PPARG: variants seen among roughly 807,000 people sequenced by gnomAD.
The protein encoded by PPARG is peroxisome proliferator-activated receptor gamma.
A neutral mutation model predicts 39.2 loss-of-function variants in PPARG; 17 were observed. The ratio of observed to expected loss-of-function variants is 0.43; its 90% CI spans 0.30 to 0.65. The LOEUF (loss-of-function observed/expected upper bound fraction) is 0.65. Among genes scored for constraint, PPARG ranks in the 30% least tolerant of loss-of-function variants. PPARG has a pLI of 0.13. For missense variants in PPARG, 406 were observed against 585.9 expected, an observed-to-expected ratio of 0.69 and a Z score of 3.17; for synonymous variants, 223 against 215.7, an observed-to-expected ratio of 1.03 and a Z score of -0.30.
chr3:12,410,605 T>C (rs1215974585), intron 6 of PPARG, among the ~76,000 whole-genome samples: 1 of 152,230 alleles, frequency 6.6e-6, no homozygotes, highest in Non-Finnish European at 1.5e-5. Context: ...ACATTGTTTA[T>C]GGTAGGTACA....
intron 2 of PPARG, among the ~76,000 whole-genome samples, chr3:12,360,574 C>CAAAAAA (rs11394520): frequency 4.7e-5 from 6 of 126,790 alleles, no homozygotes; most frequent in African/African-American, 1.9e-4. Context: ...AGCACCCAGA[C>CAAAAAA]AAAAAAAAAA....
chr3:12,433,850 A>AT (rs769235829), intron 7 of PPARG, 48 bp from the exon 8 acceptor site: 22 of 1,612,548 alleles, frequency 1.4e-5, no homozygotes, highest in East Asian at 2.2e-5. Context: ...GGCCCAGAGG[A>AT]TTTTTTGACT....
chr3:12,432,800 T>C (rs369604757), intron 7 of PPARG, among the ~76,000 whole-genome samples: 4 of 152,240 alleles, frequency 2.6e-5, no homozygotes, highest in African/African-American at 4.8e-5. Flanking sequence ...TGTTTCAATA[T>C]ACTAAAATCA....
chr3:12,433,829 C>T, intron 7 of PPARG, 69 bp from the exon 8 acceptor site: 1 of 1,609,908 alleles, frequency 6.2e-7, no homozygotes, highest in Non-Finnish European at 8.5e-7. Context: ...CTGCCTAGGC[C>T]TCCAAGGCGG....
At chr3:12,310,791 TAAAAA>T (rs761238501) in intron 1 of PPARG, among the ~76,000 whole-genome samples, 1,631 of 49,808 alleles carry the variant, frequency 0.033, 40 homozygotes, top group East Asian at 0.24. Context: ...GCCTTAAATG[TAAAAA>T]AAAAAAAAAA....
intron 7 of PPARG, among the ~76,000 whole-genome samples, chr3:12,418,624 T>C (rs2051157919): frequency 6.6e-6 from 1 of 152,210 alleles, no homozygotes; most frequent in Non-Finnish European, 1.5e-5. Context: ...TGCATATTTA[T>C]TCAATCCTCA....
At chr3:12,372,581 A>T (rs544388386) in intron 2 of PPARG, among the ~76,000 whole-genome samples, 1 of 152,318 alleles carries the variant, frequency 6.6e-6, no homozygotes, top group African/African-American at 2.4e-5. Context: ...TATGAAGAAG[A>T]TGTAACATTT....
At chr3:12,374,946 T>C (rs1393870997) in intron 2 of PPARG, among the ~76,000 whole-genome samples, 2 of 152,244 alleles carry the variant, frequency 1.3e-5, no homozygotes, top group African/African-American at 4.8e-5. Flanking sequence ...TACAGAGTTT[T>C]CTAGGAATTT....
intron 4 of PPARG, among the ~76,000 whole-genome samples, chr3:12,384,358 A>T (rs1455137233): frequency 6.6e-6 from 1 of 152,128 alleles, no homozygotes; most frequent in Non-Finnish European, 1.5e-5. Flanking sequence ...TGGGGTTTTT[A>T]TTCGGCGTAA....
chr3:12,371,522 A>C (rs1306141856), intron 2 of PPARG, among the ~76,000 whole-genome samples: 1 of 152,214 alleles, frequency 6.6e-6, no homozygotes, highest in Admixed American at 6.5e-5. Flanking sequence ...ATTCTGTGAT[A>C]ATTTGCCATC....
intron 2 of PPARG, among the ~76,000 whole-genome samples, chr3:12,323,119 T>C (rs955450242): frequency 6.6e-6 from 1 of 152,140 alleles, no homozygotes; most frequent in African/African-American, 2.4e-5. Flanking sequence ...AGAGAGATTT[T>C]GATAGCTTAT....
chr3:12,315,497 G>T (rs1465509518), intron 2 of PPARG, among the ~76,000 whole-genome samples: 1 of 152,124 alleles, frequency 6.6e-6, no homozygotes, highest in African/African-American at 2.4e-5. Context: ...GTAAGCCTCA[G>T]ATTATTTCAA....
At chr3:12,374,457 G>C (rs1462975899) in intron 2 of PPARG, among the ~76,000 whole-genome samples, 1 of 152,016 alleles carries the variant, frequency 6.6e-6, no homozygotes, top group Non-Finnish European at 1.5e-5. Context: ...AAATTAGCAG[G>C]GCATGGTGGC....
At chr3:12,388,335 C>A (rs1357154017) in intron 4 of PPARG, among the ~76,000 whole-genome samples, 1 of 152,086 alleles carries the variant, frequency 6.6e-6, no homozygotes, top group Non-Finnish European at 1.5e-5. Context: ...AACAAACATA[C>A]CCTCAGTTCC....
In PPARG at chr3:12,374,319, C is replaced by T. The variant is rs2049328347; in HGVS notation, c.-8-5385C>T. 2.0e-5 allele frequency among the ~76,000 whole-genome samples: 3 copies of T among 152,278 alleles called. No individual in the cohort carries two copies. The South Asian group carries it at 6.2e-4, about 32-fold the overall frequency. On this transcript the variant is annotated intron_variant, in intron 2 of 7. Transcript: ENST00000651735. ...CTTTGTCAAAACCCATAGAACTTGG[C>T]TGGGCATGGTGGCTCACACCCGTAA...
At chr3:12,412,959 T>C (rs1370787705) in intron 6 of PPARG, among the ~76,000 whole-genome samples, 1 of 152,106 alleles carries the variant, frequency 6.6e-6, no homozygotes, top group Non-Finnish European at 1.5e-5. Context: ...TAAGACAAAA[T>C]TTGAGAATGA....
intron 1 of PPARG, among the ~76,000 whole-genome samples, chr3:12,292,177 T>A (rs1406954532): frequency 2.0e-5 from 3 of 152,230 alleles, no homozygotes; most frequent in African/African-American, 7.2e-5. Flanking sequence ...TTTAAAATTG[T>A]ATTTTCCATT....
intron 6 of PPARG, among the ~76,000 whole-genome samples, chr3:12,410,741 A>G (rs1374056214): frequency 2.6e-5 from 4 of 152,244 alleles, no homozygotes; most frequent in East Asian, 3.8e-4. Flanking sequence ...GTAAACTTCT[A>G]TGAAAACATT....
In PPARG at chr3:12,333,275, T is replaced by C. The variant is rs181108372; in HGVS notation, c.-9+20822T>C. ...TTATTCTCTTTAATATTATTTCTTATATTCATCACCACAATCCTCATTTAC... is the reference window on the plus strand; with the variant it reads ...TTATTCTCTTTAATATTATTTCTTACATTCATCACCACAATCCTCATTTAC... On this transcript the variant is annotated intron_variant, in intron 2 of 7. Transcript: ENST00000651735. 5.9e-5 allele frequency among the ~76,000 whole-genome samples: 9 copies of C among 152,330 alleles called. No individual in the cohort carries two copies. In the East Asian group the frequency reaches 1.7e-3, roughly 29 times the overall value.
Sources: gnomAD v4.1 joint callset for allele counts (sites outside exome capture counted in the v4.1 genomes callset) on GRCh38, gnomAD v4.1.1 for gene constraint, MANE v1.5 for transcripts, NCBI Gene and HGNC (gene_info 2026-07-23, HGNC 2026-07-21) for gene names.